Variants in XKR9 observed in about 807,000 individuals in gnomAD.
XKR9 encodes XK related 9.
In XKR9, 32 loss-of-function variants were observed where a neutral mutation model predicts 32.0. The ratio of observed to expected loss-of-function variants is 1.00; its 90% CI spans 0.76 to 1.34. The LOEUF (loss-of-function observed/expected upper bound fraction) is 1.34. Among genes scored for constraint, XKR9 ranks in the 40% most tolerant of loss-of-function variants. The pLI is 0.00. For synonymous variants in XKR9, 168 were observed against 143.4 expected, an observed-to-expected ratio of 1.17 and a Z score of -1.22; for missense variants, 546 against 429.7, an observed-to-expected ratio of 1.27 and a Z score of -2.39.
intron 3 of XKR9, among the ~76,000 whole-genome samples, chr8:70,683,285 A>G (rs1363198836): frequency 1.3e-5 from 2 of 152,192 alleles, no homozygotes; most frequent in Non-Finnish European, 2.9e-5. Flanking sequence ...TCAAAACAAT[A>G]TAATTCGATT....
At chr8:70,841,243 A>C in the XKR9 span, among the ~76,000 whole-genome samples, 1 of 152,108 alleles carries the variant, frequency 6.6e-6, no homozygotes, top group Non-Finnish European at 1.5e-5. Flanking sequence ...CTTAGCTTTT[A>C]TTGAGGATAT....
the XKR9 span, among the ~76,000 whole-genome samples, chr8:70,969,699 A>C: frequency 6.6e-6 from 1 of 152,230 alleles, no homozygotes; most frequent in East Asian, 1.9e-4. Flanking sequence ...TTTTAAATGC[A>C]TGAATTTTCT....
chr8:70,732,557 G>A (rs1022896596), intron 4 of XKR9, among the ~76,000 whole-genome samples: 1 of 152,230 alleles, frequency 6.6e-6, no homozygotes, highest in Non-Finnish European at 1.5e-5. Flanking sequence ...TAACCACCCA[G>A]TGGGTTCACC....
At chr8:70,871,409 A>AT in the XKR9 span, among the ~76,000 whole-genome samples, 1 of 152,094 alleles carries the variant, frequency 6.6e-6, no homozygotes, top group Admixed American at 6.6e-5. Flanking sequence ...TATCAGTGCC[A>AT]TTTTTCCAAT....
At chr8:70,810,717 A>G in the XKR9 span, among the ~76,000 whole-genome samples, 1 of 152,216 alleles carries the variant, frequency 6.6e-6, no homozygotes, top group South Asian at 2.1e-4. Context: ...TGGTAAAGGG[A>G]TCAATTCAAC....
In XKR9 at chr8:70,701,480, A is replaced by G. The variant is rs117125045; in HGVS notation, c.273-5453A>G. On this transcript the variant is annotated intron_variant, in intron 3 of 4. Transcript: ENST00000408926. ...TTTCTCTCTTAGAGCCAGGCACACT[A>G]ACTGCTTCTAGTCAGCCATCTTGGC... Among the ~76,000 whole-genome samples, 567 of 152,284 alleles carry G rather than the reference A, an allele frequency of 3.7e-3. 30 individuals carry two copies. The East Asian group carries it at 0.09, about 24-fold the overall frequency.
the XKR9 span, among the ~76,000 whole-genome samples, chr8:70,845,621 A>C: frequency 6.6e-6 from 1 of 152,174 alleles, no homozygotes; most frequent in African/African-American, 2.4e-5. Context: ...AAATCCTGGA[A>C]AAGAAGAATT....
At chr8:70,814,165 C>T in the XKR9 span, among the ~76,000 whole-genome samples, 1 of 152,010 alleles carries the variant, frequency 6.6e-6, no homozygotes, top group Non-Finnish European at 1.5e-5. Context: ...AAACTGGAAA[C>T]CATCATTCTC....
chr8:70,959,581 T>C, the XKR9 span, among the ~76,000 whole-genome samples: 1 of 152,270 alleles, frequency 6.6e-6, no homozygotes, highest in East Asian at 1.9e-4. Context: ...GATAAATTTC[T>C]AGCAGTGGAC....
chr8:71,038,626 T>A, the XKR9 span, among the ~76,000 whole-genome samples: 49,102 of 151,208 alleles, frequency 0.32, 8,426 homozygotes, highest in East Asian at 0.65. Context: ...CCAACTGATT[T>A]CTTTAGTCAT....
In XKR9 at chr8:70,706,989, C is replaced by G. The variant is rs1475529011; in HGVS notation, c.329C>G (p.Thr110Ser). Residue 110 changes from threonine (T) to serine (S), a missense_variant, in exon 4 of 5, where the codon ACT (threonine) becomes AGT (serine). Coordinates refer to ENST00000408926, the MANE Select transcript of XKR9 (RefSeq NM_001011720.2). ...GCAGCTTTTAAATATGACAGCAATA[C>G]TAGTAACTTCGTGGAAGAACAAATT... ...YHAAFKYDSN[T>S]SNFVEEQIDL... The G allele has an allele frequency of 4.3e-6, 7 of 1,613,254 alleles. No individual in the cohort carries two copies. Among genetic ancestry groups the G allele is most frequent in the South Asian group, 1.1e-5 (1 of 91,016 alleles).
chr8:70,679,348 T>C (rs1343345973), intron 2 of XKR9, among the ~76,000 whole-genome samples: 1 of 152,222 alleles, frequency 6.6e-6, no homozygotes, highest in Non-Finnish European at 1.5e-5. Flanking sequence ...CAAGTACTTT[T>C]CTAGGGGTTT....
the XKR9 span, among the ~76,000 whole-genome samples, chr8:70,956,015 TG>T: frequency 6.6e-6 from 1 of 152,200 alleles, no homozygotes; most frequent in African/African-American, 2.4e-5. Flanking sequence ...GTCACAACCC[TG>T]GCTCGGGAAG....
At chr8:70,985,016 T>C in the XKR9 span, among the ~76,000 whole-genome samples, 2 of 152,138 alleles carry the variant, frequency 1.3e-5, no homozygotes, top group South Asian at 4.1e-4. Context: ...TAAGAAGGTA[T>C]AACTAATAAT....
intron 2 of XKR9, among the ~76,000 whole-genome samples, chr8:70,752,264 T>A (rs983909379): frequency 2.0e-5 from 3 of 152,184 alleles, no homozygotes; most frequent in Admixed American, 6.5e-5. Context: ...TTCGATGAAG[T>A]CTGTTTTAAT....
At chr8:70,900,488 CTG>C in the XKR9 span, among the ~76,000 whole-genome samples, 12 of 151,966 alleles carry the variant, frequency 7.9e-5, no homozygotes, top group African/African-American at 2.9e-4. Context: ...ACTCGGGAGT[CTG>C]AGGCAGGAGA....
At chr8:71,040,412 G>A in the XKR9 span, among the ~76,000 whole-genome samples, 2 of 152,118 alleles carry the variant, frequency 1.3e-5, no homozygotes, top group Non-Finnish European at 2.9e-5. Context: ...CAGCAATTTT[G>A]TATGCTGCAA....
the XKR9 span, among the ~76,000 whole-genome samples, chr8:70,844,582 A>T: frequency 6.6e-6 from 1 of 152,186 alleles, no homozygotes; most frequent in Admixed American, 6.5e-5. Flanking sequence ...CAAGTGCACC[A>T]GTGGGGGGCC....
chr8:70,814,260 G>A, the XKR9 span, among the ~76,000 whole-genome samples: 5 of 152,068 alleles, frequency 3.3e-5, no homozygotes, highest in Admixed American at 6.5e-5. Context: ...CGTGGACACA[G>A]GAAGGGGAAC....
Sources: gnomAD v4.1 joint callset for allele counts (sites outside exome capture counted in the v4.1 genomes callset) on GRCh38, gnomAD v4.1.1 for gene constraint, MANE v1.5 for transcripts, NCBI Gene and HGNC (gene_info 2026-07-23, HGNC 2026-07-21) for gene names.